Variants in RPH3AL observed in about 807,000 individuals in gnomAD.
RPH3AL encodes rab effector Noc2.
A neutral mutation model predicts 43.1 loss-of-function variants in RPH3AL; 38 were observed. The ratio of observed to expected loss-of-function variants is 0.88; its 90% CI spans 0.68 to 1.15. The LOEUF is 1.15. RPH3AL is among the 50% of genes most tolerant of loss of function. RPH3AL has a pLI of 0.00. For synonymous variants in RPH3AL, 189 were observed against 176.3 expected (o/e 1.07, Z -0.57); for missense variants, 462 against 423.2 (o/e 1.09, Z -0.81).
rs1459648503 is a variant in RPH3AL, at chr17:245,149, G to A, written c.613+1962C>T. Reference sequence around the variant, plus strand: ...TGGATGTGTGTGTCCATGTGGATGTGTGTGTGCACATGGATGTGTCTGTGT... The same window carrying A: ...TGGATGTGTGTGTCCATGTGGATGTATGTGTGCACATGGATGTGTCTGTGT... On this transcript the variant is annotated intron_variant, in intron 7 of 9. Transcript: ENST00000331302. The surrounding 1 kb of genome is among the most constrained non-coding windows in gnomAD (Gnocchi z 5.9). 6.6e-6 allele frequency among the ~76,000 whole-genome samples: 1 copy of A among 151,296 alleles called. No homozygotes were observed. The highest frequency in any genetic ancestry group is 1.5e-5 in the Non-Finnish European group (1 of 67,832).
rs2042535667 is a variant in RPH3AL at position 273,017 on chromosome 17, TCAGGAAGAGACCCCAGCGAGGGCGAC to T, written c.438+8725_438+8750del. 2.6e-5 allele frequency among the ~76,000 whole-genome samples: 3 copies of T among 115,414 alleles called. No individual in the cohort carries two copies. The East Asian group carries it at 7.3e-4, about 28-fold the overall frequency. The allele number at this position is 115,414 out of a possible 152,430, so 75.7% of individuals were successfully genotyped here. A position where few individuals can be genotyped will look rare whatever the true frequency, so the allele number is the denominator to read the frequency against. ...GGGTGAGACCCCAGCGAGGGCGACA[TCAGGAAGAGACCCCAGCGAGGGCGAC>T]GTCAGGGAGAGACCCCAGCGAGGGC... On this transcript the variant is annotated intron_variant, in intron 6 of 9. Transcript: ENST00000331302.
In RPH3AL at chr17:243,247, A is replaced by AC. The variant is rs66706584; in HGVS notation, c.613+3863dup. On this transcript the variant is annotated intron_variant, in intron 7 of 9. Transcript: ENST00000331302. ...TATTGACTACCTTCCTCTATTGATT[A>AC]CCTTTCTCTATTGATTACCCTTCCT... Among the ~76,000 whole-genome samples the AC allele has an allele frequency of 9.0e-5, 12 of 133,166 alleles. 1 individual carries two copies. Among genetic ancestry groups the AC allele is most frequent in the African/African-American group, 3.2e-4 (11 of 34,150 alleles). The allele number at this position is 133,166 out of a possible 152,430, so 87.4% of individuals were successfully genotyped here.
At chr17:237,484 GA>G (rs2041426492) in intron 7 of RPH3AL, among the ~76,000 whole-genome samples, 2 of 152,200 alleles carry the variant, frequency 1.3e-5, no homozygotes, top group African/African-American at 4.8e-5. Flanking sequence ...GAGGCCTGAG[GA>G]GGGACAATGA....
chr17:303,420 T>A (rs1444128159), intron 5 of RPH3AL, among the ~76,000 whole-genome samples: 1 of 152,072 alleles, frequency 6.6e-6, no homozygotes, highest in East Asian at 1.9e-4. Context: ...AAAAAAAGAT[T>A]TAACAACTTT....
At chr17:238,169 AAGAG>A (rs55813025) in intron 7 of RPH3AL, among the ~76,000 whole-genome samples, 68,802 of 148,300 alleles carry the variant, frequency 0.46, 16,429 homozygotes, top group South Asian at 0.56. Flanking sequence ...AGAAGAGAGA[AAGAG>A]AGAGAGAGAG....
chr17:233,309 G>T (rs2041274936), intron 7 of RPH3AL, among the ~76,000 whole-genome samples: 1 of 152,100 alleles, frequency 6.6e-6, no homozygotes, highest in Admixed American at 6.5e-5. Context: ...CACGACCGCT[G>T]GGAGAGAACA....
At chr17:338,840 G>A (rs945053899) in intron 1 of RPH3AL, 1 of 152,210 alleles carries the variant, frequency 6.6e-6, no homozygotes, top group Non-Finnish European at 1.5e-5. Flanking sequence ...AGCTTCTAGG[G>A]AAAAAGAAGC....
intron 7 of RPH3AL, among the ~76,000 whole-genome samples, chr17:233,405 C>T (rs4890198): frequency 5.9e-5 from 9 of 152,098 alleles, no homozygotes; most frequent in African/African-American, 1.7e-4. Context: ...CAAGACTGTC[C>T]GGCCCAGGAG....
chr17:307,081 G>A (rs901018487), intron 5 of RPH3AL, among the ~76,000 whole-genome samples: 1 of 151,648 alleles, frequency 6.6e-6, no homozygotes, highest in Non-Finnish European at 1.5e-5. Flanking sequence ...ACCCATGGCA[G>A]GTCCTCCCCA....
At chr17:261,417 C>G (rs1597961924) in intron 6 of RPH3AL, among the ~76,000 whole-genome samples, 1 of 152,218 alleles carries the variant, frequency 6.6e-6, no homozygotes, top group African/African-American at 2.4e-5. Context: ...AGAGAGCCTT[C>G]ACCAGGGATC....
chr17:315,000 T>C (rs1317515516), intron 5 of RPH3AL, among the ~76,000 whole-genome samples: 1 of 145,904 alleles, frequency 6.9e-6, no homozygotes, highest in Non-Finnish European at 1.5e-5. Flanking sequence ...TCCATTGACC[T>C]GTAGTCTCTG....
At chr17:325,302 G>T (rs922634587) in intron 3 of RPH3AL, among the ~76,000 whole-genome samples, 1 of 152,100 alleles carries the variant, frequency 6.6e-6, no homozygotes, top group Non-Finnish European at 1.5e-5. Flanking sequence ...ACATTATTAC[G>T]AGACAACATG....
In RPH3AL at chr17:246,247, C is replaced by A. The variant is rs945050020; in HGVS notation, c.613+864G>T. Among the ~76,000 whole-genome samples the A allele has an allele frequency of 6.6e-6, 1 of 152,140 alleles. No individual in the cohort carries two copies. The highest frequency in any genetic ancestry group is 1.5e-5 in the Non-Finnish European group (1 of 68,026). On this transcript the variant is annotated intron_variant, in intron 7 of 9. Coordinates refer to ENST00000331302, the MANE Select transcript of RPH3AL (RefSeq NM_006987.4). This position sits in a 1 kb window ranked among gnomAD's most constrained non-coding sequence, Gnocchi z 4.8. The stretch of plus-strand genomic sequence containing the variant: ...GTCTATTGTGATGGGTCCACTTCCT[C>A]CAAGACGAGCCATGATCCGAACGAG...
intron 5 of RPH3AL, among the ~76,000 whole-genome samples, chr17:291,259 G>C (rs1163830606): frequency 6.6e-6 from 1 of 152,122 alleles, no homozygotes; most frequent in African/African-American, 2.4e-5. Context: ...AAAACTCAGG[G>C]CCAGGTGCGG....
intron 8 of RPH3AL, among the ~76,000 whole-genome samples, chr17:216,193 G>T (rs1358822522): frequency 3.0e-5 from 3 of 101,336 alleles, no homozygotes; most frequent in African/African-American, 1.1e-4. Context: ...CATGGCTGCC[G>T]GGCTCTGGCC....
chr17:243,403 C>T (rs143863223), intron 7 of RPH3AL, among the ~76,000 whole-genome samples: 1,560 of 56,518 alleles, frequency 0.028, 4 homozygotes, highest in Middle Eastern at 0.056. Flanking sequence ...CCTCTATTGA[C>T]TACCTTCCTC....
intron 8 of RPH3AL, among the ~76,000 whole-genome samples, chr17:218,439 T>A (rs190806534): frequency 2.9e-5 from 2 of 69,524 alleles, no homozygotes; most frequent in Non-Finnish European, 6.2e-5. Flanking sequence ...TATGGAGCCC[T>A]TTCTTCTTCT....
At chr17:236,585 T>C (rs2041401259) in intron 7 of RPH3AL, among the ~76,000 whole-genome samples, 1 of 152,146 alleles carries the variant, frequency 6.6e-6, no homozygotes, top group African/African-American at 2.4e-5. Context: ...CTTGGAGGGC[T>C]GGCAAGCTGC....
Position 215,730 on chromosome 17 carries a change from A to G in RPH3AL, c.800T>C (p.Leu267Pro). 7.7e-7 allele frequency: 1 copy of G among 1,306,818 alleles called. No homozygotes were observed. Among genetic ancestry groups the G allele is most frequent in the South Asian group, 2.7e-5 (1 of 37,242 alleles). The allele number at this position is 1,306,818 out of a possible 1,614,324, so 81.0% of individuals were successfully genotyped here. A position where few individuals can be genotyped will look rare whatever the true frequency, so the allele number is the denominator to read the frequency against. The change falls in exon 9 of 10, where the codon CTG becomes CCG. Residue 267 changes from leucine (L) to proline (P), a missense_variant. Transcript: ENST00000331302. The surrounding 1 kb of genome is among the most constrained non-coding windows in gnomAD (Gnocchi z 4.1). ...PGHLSGCQSS[L>P]ASGETGTGSA... Reference sequence around the variant, plus strand: ...GCCTGTCCCCGTCTCACCACTGGCCAGGCTGCTCTGGCACCCAGAGAGGTG... The same window carrying G: ...GCCTGTCCCCGTCTCACCACTGGCCGGGCTGCTCTGGCACCCAGAGAGGTG...
Sources: allele counts gnomAD v4.1 joint callset (sites outside exome capture counted in the v4.1 genomes callset), GRCh38; gene constraint gnomAD v4.1.1; non-coding constraint Gnocchi (gnomAD v3.1); transcripts MANE v1.5; gene names NCBI Gene and HGNC (gene_info 2026-07-23, HGNC 2026-07-21).